ANK2: variants seen among roughly 807,000 people sequenced by gnomAD.
ANK2 encodes ankyrin-2.
ANK2 carries 83 observed loss-of-function variants against 360.5 expected under a neutral mutation model. The observed-to-expected ratio is 0.23, with a 90% CI of 0.19 to 0.28. The LOEUF is 0.28. Among genes scored for constraint, ANK2 ranks in the 10% least tolerant of loss-of-function variants. ANK2 has a pLI of 1.00. For missense variants in ANK2, 4,201 were observed against 4,795.7 expected, an observed-to-expected ratio of 0.88 and a Z score of 3.66; for synonymous variants, 1,740 against 1,759.5, an observed-to-expected ratio of 0.99 and a Z score of 0.28.
At chr4:113,156,436 T>A (rs2097301012) in intron 1 of ANK2, among the ~76,000 whole-genome samples, 1 of 144,528 alleles carries the variant, frequency 6.9e-6, no homozygotes, top group East Asian at 2.1e-4. Flanking sequence ...AGTGACGTGA[T>A]CACGACTCAC....
At chr4:112,922,599 A>G (rs946611544) in intron 2 of ANK2, among the ~76,000 whole-genome samples, 4 of 152,226 alleles carry the variant, frequency 2.6e-5, no homozygotes, top group African/African-American at 9.6e-5. Context: ...TTGTGATAGT[A>G]GCATAGACTG....
chr4:113,356,204 A>C lies in ANK2; in HGVS notation c.7586A>C (p.Glu2529Ala). ...DDSLEQTSLM[E>A]SSGKSPLSPD... ...AGTCTTGAGCAGACATCGCTCATGGAGAGCTCAGGGAAGAGCCCCCTTTCT... is the reference window on the plus strand; with the variant it reads ...AGTCTTGAGCAGACATCGCTCATGGCGAGCTCAGGGAAGAGCCCCCTTTCT... The change falls in exon 38 of 46, where the codon GAG becomes GCG. Residue 2529 changes from glutamate (E) to alanine (A), a missense_variant. Glu to Ala is a moderately radical substitution (Grantham distance 107). Around this residue, in one of 4 missense-constraint regions of ANK2, gnomAD observed 2,642 missense variants for 2,714.5 expected, o/e 0.97. Transcript: ENST00000357077. The C allele has an allele frequency of 6.2e-7, 1 of 1,614,006 alleles. No individual in the cohort carries two copies. Among genetic ancestry groups the C allele is most frequent in the South Asian group, 1.1e-5 (1 of 91,062 alleles).
chr4:113,067,278 A>G (rs997156744), intron 1 of ANK2, among the ~76,000 whole-genome samples: 2 of 152,138 alleles, frequency 1.3e-5, no homozygotes. Flanking sequence ...TAGGGAAATT[A>G]GTCTGCTCAG....
chr4:113,372,653 A>G (rs1437949220), intron 43 of ANK2: 24 of 1,447,222 alleles, frequency 1.7e-5, no homozygotes, highest in Non-Finnish European at 2.3e-5. Context: ...ACTGCACGTC[A>G]GGGACAGTCC....
At chr4:112,780,432 T>C in the ANK2 span, among the ~76,000 whole-genome samples, 1 of 152,226 alleles carries the variant, frequency 6.6e-6, no homozygotes, top group Non-Finnish European at 1.5e-5. Context: ...ACAGTGATTA[T>C]GGTAGAAAAC....
the ANK2 span, among the ~76,000 whole-genome samples, chr4:112,730,900 G>A: frequency 6.6e-6 from 1 of 151,712 alleles, no homozygotes; most frequent in Admixed American, 6.6e-5. Context: ...AGCACTTTGG[G>A]AGGCCGAGGA....
At chr4:113,138,022 T>C (rs1010643573) in intron 1 of ANK2, among the ~76,000 whole-genome samples, 1 of 152,312 alleles carries the variant, frequency 6.6e-6, no homozygotes, top group African/African-American at 2.4e-5. Context: ...TAGGGCAAGA[T>C]TGAAAACTTG....
At chr4:113,262,493 G>T (rs2053501993) in intron 13 of ANK2, among the ~76,000 whole-genome samples, 1 of 152,126 alleles carries the variant, frequency 6.6e-6, no homozygotes, top group African/African-American at 2.4e-5. Flanking sequence ...GCCTCCCAAA[G>T]TGCTGGGATT....
intron 1 of ANK2, among the ~76,000 whole-genome samples, chr4:113,097,840 A>C (rs73841212): frequency 4.6e-3 from 75 of 16,416 alleles, no homozygotes; most frequent in African/African-American, 0.025. Flanking sequence ...TTGTATATAT[A>C]TGTGTGTGTG....
At chr4:113,158,468 C>T (rs557688512) in intron 1 of ANK2, among the ~76,000 whole-genome samples, 2 of 151,556 alleles carry the variant, frequency 1.3e-5, no homozygotes, top group African/African-American at 4.9e-5. Context: ...GGAGGAAACT[C>T]AATTACTAAT....
chr4:113,264,722 CAA>C (rs11452087), intron 13 of ANK2, among the ~76,000 whole-genome samples, 173 bp from the exon 14 acceptor site: 6 of 141,768 alleles, frequency 4.2e-5, no homozygotes, highest in Non-Finnish European at 6.1e-5. Flanking sequence ...AACTTTGTCT[CAA>C]AAAAAAAAAA....
chr4:112,851,163 G>T (rs767150123), intron 1 of ANK2, among the ~76,000 whole-genome samples: 1 of 152,186 alleles, frequency 6.6e-6, no homozygotes, highest in East Asian at 1.9e-4. Flanking sequence ...TATAGTTGTG[G>T]AAACTGGACT....
intron 1 of ANK2, among the ~76,000 whole-genome samples, chr4:113,053,842 C>G (rs1002968786): frequency 3.9e-5 from 6 of 152,210 alleles, no homozygotes; most frequent in Non-Finnish European, 2.9e-5. Flanking sequence ...AAGCAATTCT[C>G]TCTCATCCTC....
At chr4:113,101,000 G>A (rs1467964807) in intron 1 of ANK2, among the ~76,000 whole-genome samples, 1 of 152,032 alleles carries the variant, frequency 6.6e-6, no homozygotes, top group African/African-American at 2.4e-5. Context: ...AATAGATGAA[G>A]CACAGGGAAT....
chr4:113,354,365 T>C lies in ANK2; in HGVS notation c.5747T>C (p.Val1916Ala), dbSNP rs1418205556. ...PSGKTDKRPP[V>A]SPSGRTEKHP... The stretch of plus-strand genomic sequence containing the variant: ...GGCAAAACAGACAAACGTCCACCTG[T>C]ATCGCCCTCCGGGAGGACAGAAAAA... The change falls in exon 38 of 46, where the codon GTA becomes GCA. Residue 1916 changes from valine to alanine, a missense_variant. Val to Ala is a moderately conservative substitution (Grantham distance 64). Around this residue, in one of 4 missense-constraint regions of ANK2, gnomAD observed 2,642 missense variants for 2,714.5 expected, o/e 0.97. Coordinates refer to ENST00000357077, the MANE Select transcript of ANK2 (RefSeq NM_001148.6). 6.2e-7 allele frequency: 1 copy of C among 1,614,042 alleles called. No homozygotes were observed. Among genetic ancestry groups the C allele is most frequent in the Non-Finnish European group, 8.5e-7 (1 of 1,179,974 alleles).
chr4:113,342,127 T>C (rs1391678492), intron 33 of ANK2, among the ~76,000 whole-genome samples: 1 of 152,206 alleles, frequency 6.6e-6, no homozygotes, highest in Non-Finnish European at 1.5e-5. Flanking sequence ...TGTGAGAAGG[T>C]AAGATGATTC....
intron 2 of ANK2, chr4:112,980,419 C>G (rs2042797871): frequency 6.6e-6 from 1 of 152,442 alleles, no homozygotes; most frequent in African/African-American, 2.4e-5. Flanking sequence ...TCCCCCTGTT[C>G]TGGGCTCCCT....
chr4:112,785,617 C>T, the ANK2 span, among the ~76,000 whole-genome samples: 606 of 151,830 alleles, frequency 4.0e-3, 8 homozygotes, highest in African/African-American at 0.014. Context: ...GTGATCCACC[C>T]GCCTTGGCCT....
intron 1 of ANK2, among the ~76,000 whole-genome samples, chr4:113,173,854 T>A (rs1440276120): frequency 5.3e-5 from 8 of 152,172 alleles, no homozygotes; most frequent in African/African-American, 1.9e-4. Flanking sequence ...TGCGAAGTAG[T>A]GCTATCCCCT....
Sources: allele counts gnomAD v4.1 joint callset (sites outside exome capture counted in the v4.1 genomes callset), GRCh38; gene constraint gnomAD v4.1.1; regional missense constraint gnomAD v4.1.1; transcripts MANE v1.5; gene names NCBI Gene and HGNC (gene_info 2026-07-23, HGNC 2026-07-21).